The following ANKS1B variants were observed in gnomAD, a reference collection of about 807,000 sequenced individuals.
ANKS1B encodes ankyrin repeat and sterile alpha motif domain-containing protein 1B.
A neutral mutation model predicts 148.3 loss-of-function variants in ANKS1B; 36 were observed. That is an observed-to-expected ratio of 0.24 (90% CI 0.19 to 0.32). The LOEUF (loss-of-function observed/expected upper bound fraction) is 0.32, where lower values mean the gene tolerates loss of function less well. Ranked by LOEUF, ANKS1B falls within the 10% of genes least tolerant of loss-of-function variation. ANKS1B has a pLI of 1.00. For synonymous variants in ANKS1B, 542 were observed against 560.8 expected (o/e 0.97, Z 0.47); for missense variants, 1,157 against 1,542.6 (o/e 0.75, Z 4.19).
intron 8 of ANKS1B, among the ~76,000 whole-genome samples, chr12:99,768,613 G>A (rs538258845): frequency 6.6e-6 from 1 of 152,124 alleles, no homozygotes; most frequent in East Asian, 1.9e-4. Context: ...AGATCACAAG[G>A]TCGGGAGATC....
intron 12 of ANKS1B, among the ~76,000 whole-genome samples, chr12:99,327,378 A>G (rs12820063): frequency 0.015 from 1,912 of 129,786 alleles, 54 homozygotes; most frequent in African/African-American, 0.053. Context: ...CATATTATAT[A>G]TAATTATATA....
chr12:98,753,541 C>T (rs1424772209), intron 25 of ANKS1B, among the ~76,000 whole-genome samples: 1 of 152,176 alleles, frequency 6.6e-6, no homozygotes, highest in Non-Finnish European at 1.5e-5. Flanking sequence ...AATTCTCCTG[C>T]CTCAGCCTCC....
At position 99,246,751 on chromosome 12, in the gene ANKS1B, G is replaced by T; in HGVS notation, c.1870C>A (p.His624Asn). The T allele has an allele frequency of 6.2e-7, 1 of 1,613,930 alleles. No individual in the cohort carries two copies. The highest frequency in any genetic ancestry group is 8.5e-7 in the Non-Finnish European group (1 of 1,179,870). Reference protein sequence around the residue: ...PACESPENPFHLYGKREQCEK... With the variant: ...PACESPENPFNLYGKREQCEK... ...CATTGTTCTCTTTTCCCATAGAGAT[G>T]AAATGGATTTTCAGGGGACTCACAG... Residue 624 changes from histidine (H) to asparagine (N), a missense_variant, in exon 13 of 27, where the codon CAT becomes AAT. His to Asn is a moderately conservative substitution (Grantham distance 68, BLOSUM62 1). Around this residue, in one of 6 missense-constraint regions of ANKS1B, gnomAD observed 661 missense variants for 642.1 expected, o/e 1.03. Coordinates refer to ENST00000683438, the MANE Select transcript of ANKS1B (RefSeq NM_001352186.2).
chr12:99,877,364 T>C (rs924467726), intron 1 of ANKS1B, among the ~76,000 whole-genome samples: 1 of 152,190 alleles, frequency 6.6e-6, no homozygotes, highest in African/African-American at 2.4e-5. Context: ...TATCAGATAA[T>C]CTATTTTTCC....
At chr12:99,258,010 C>G (rs1488931658) in intron 12 of ANKS1B, among the ~76,000 whole-genome samples, 1 of 152,182 alleles carries the variant, frequency 6.6e-6, no homozygotes, top group African/African-American at 2.4e-5. Context: ...ATTTGTTCTG[C>G]TGCAGAAAGA....
intron 9 of ANKS1B, among the ~76,000 whole-genome samples, chr12:99,566,616 G>T (rs984172764): frequency 3.3e-5 from 5 of 152,068 alleles, no homozygotes; most frequent in African/African-American, 9.7e-5. Context: ...TGTCATCAGG[G>T]TACAGTCCCC....
intron 17 of ANKS1B, among the ~76,000 whole-genome samples, chr12:98,865,932 T>C (rs926623880): frequency 3.9e-5 from 6 of 152,154 alleles, no homozygotes; most frequent in African/African-American, 1.4e-4. Context: ...GCAGATTCGG[T>C]ATCTGGTGAG....
chr12:99,051,491 G>A (rs1398730273), intron 17 of ANKS1B, among the ~76,000 whole-genome samples: 1 of 152,170 alleles, frequency 6.6e-6, no homozygotes, highest in Non-Finnish European at 1.5e-5. Flanking sequence ...AGATTGTTTG[G>A]TTGATGTATG....
intron 12 of ANKS1B, among the ~76,000 whole-genome samples, chr12:99,313,027 T>C (rs2083405155): frequency 6.6e-6 from 1 of 151,752 alleles, no homozygotes; most frequent in South Asian, 2.1e-4. Flanking sequence ...GACTGCTAAC[T>C]AGACTAATAA....
intron 9 of ANKS1B, among the ~76,000 whole-genome samples, chr12:99,532,042 TG>T (rs1443041309): frequency 1.9e-4 from 26 of 135,982 alleles, no homozygotes; most frequent in East Asian, 9.8e-4. Context: ...GTAACGGGAT[TG>T]TTTTTTTTTT....
intron 17 of ANKS1B, among the ~76,000 whole-genome samples, chr12:98,969,429 A>C (rs959394373): frequency 6.6e-6 from 1 of 152,140 alleles, no homozygotes; most frequent in Admixed American, 6.6e-5. Flanking sequence ...CAAACATTCT[A>C]TGGGCATTTT....
intron 17 of ANKS1B, among the ~76,000 whole-genome samples, chr12:98,974,577 T>A (rs1480859565): frequency 6.6e-6 from 1 of 151,914 alleles, no homozygotes; most frequent in East Asian, 1.9e-4. Context: ...GTAAACTTTT[T>A]AAAAAGAGAA....
At chr12:99,568,933 T>C (rs901518912) in intron 9 of ANKS1B, among the ~76,000 whole-genome samples, 6 of 152,226 alleles carry the variant, frequency 3.9e-5, no homozygotes, top group African/African-American at 1.4e-4. Context: ...GGAATAATAG[T>C]TACAATGATT....
At chr12:99,436,181 C>T (rs1245562061) in intron 11 of ANKS1B, among the ~76,000 whole-genome samples, 1 of 151,928 alleles carries the variant, frequency 6.6e-6, no homozygotes, top group African/African-American at 2.4e-5. Context: ...ATTATTCTCT[C>T]CTGAAGCTTC....
At chr12:98,804,972 G>C (rs182447281) in intron 20 of ANKS1B, among the ~76,000 whole-genome samples, 17 of 152,198 alleles carry the variant, frequency 1.1e-4, no homozygotes, top group African/African-American at 3.9e-4. Context: ...TTAATGAAAA[G>C]CAGACCTAAA....
At chr12:98,976,237 A>G (rs908344388) in intron 17 of ANKS1B, among the ~76,000 whole-genome samples, 5 of 152,062 alleles carry the variant, frequency 3.3e-5, no homozygotes, top group Non-Finnish European at 7.4e-5. Context: ...GGATGGGGAG[A>G]TAGGGTGGAC....
intron 15 of ANKS1B, among the ~76,000 whole-genome samples, chr12:99,095,948 C>G (rs1481665734): frequency 6.6e-6 from 1 of 152,132 alleles, no homozygotes; most frequent in African/African-American, 2.4e-5. Context: ...GCAAAATTGC[C>G]AAAGTGCTCA....
intron 17 of ANKS1B, among the ~76,000 whole-genome samples, chr12:98,943,944 G>A (rs1476555974): frequency 2.6e-5 from 4 of 152,194 alleles, no homozygotes; most frequent in African/African-American, 9.7e-5. Context: ...GAATGGCTTA[G>A]CGCCATCCCC....
At chr12:99,739,920 T>C (rs1277314876) in intron 8 of ANKS1B, among the ~76,000 whole-genome samples, 1 of 152,212 alleles carries the variant, frequency 6.6e-6, no homozygotes, top group African/African-American at 2.4e-5. Context: ...ATAGCACTTA[T>C]CATCTTTATC....
Sources: allele counts gnomAD v4.1 joint callset (sites outside exome capture counted in the v4.1 genomes callset), GRCh38; gene constraint gnomAD v4.1.1; regional missense constraint gnomAD v4.1.1; transcripts MANE v1.5; gene names NCBI Gene and HGNC (gene_info 2026-07-23, HGNC 2026-07-21).